Variants in GLRX3 observed in about 807,000 individuals in gnomAD.
GLRX3 encodes the protein glutaredoxin-3.
GLRX3 carries 22 observed loss-of-function variants against 49.5 expected under a neutral mutation model. That is an observed-to-expected ratio of 0.44 (90% confidence interval 0.32 to 0.63). The LOEUF is 0.63. GLRX3 is among the 30% of genes least tolerant of loss of function. GLRX3 has a pLI of 0.05. For synonymous variants in GLRX3, 133 were observed against 140.0 expected (o/e 0.95, Z 0.35); for missense variants, 385 against 396.3 (o/e 0.97, Z 0.24).
At chr10:130,159,241 A>G (rs1231404400) in intron 2 of GLRX3, among the ~76,000 whole-genome samples, 1 of 152,232 alleles carries the variant, frequency 6.6e-6, no homozygotes, top group African/African-American at 2.4e-5. Flanking sequence ...TGTATCATTT[A>G]TAAAGACCTA....
At chr10:130,161,933 A>G (rs1195745208) in intron 4 of GLRX3, among the ~76,000 whole-genome samples, 1 of 152,220 alleles carries the variant, frequency 6.6e-6, no homozygotes, top group Non-Finnish European at 1.5e-5. Context: ...TAAATTACAT[A>G]TTAGCTTATG....
At position 130,166,956 on chromosome 10, in the gene GLRX3, C is replaced by T. The variant is rs752892761; in HGVS notation, c.689C>T (p.Pro230Leu). The T allele has an allele frequency of 1.9e-6, 3 of 1,590,728 alleles. No individual in the cohort carries two copies. Among genetic ancestry groups the T allele is most frequent in the Non-Finnish European group, 2.6e-6 (3 of 1,165,652 alleles). The change falls in exon 6 of 11, where the codon CCC (proline) becomes CTC (leucine). Residue 230 changes from proline to leucine, a missense_variant. Physicochemically the swap from Pro to Leu is moderately conservative, Grantham distance 98. This residue lies in a region of GLRX3 where 374 missense variants were observed against 358.6 expected (regional missense o/e 1.04). Transcript: ENST00000331244. ...TCTGAAGAACTAGATACAATTTGTC[C>T]CAAAGCTCCCAAATTAGAGGAAAGG... The part of the protein sequence containing the change: ...EASEELDTIC[P>L]KAPKLEERLK...
In GLRX3 at chr10:130,166,937, GAACTAGATA is replaced by G. The variant is rs1862703131; in HGVS notation, c.671_679del (p.Glu224_Thr227delinsAla). 1.3e-6 allele frequency: 2 copies of G among 1,595,404 alleles called. No individual in the cohort carries two copies. The highest frequency in any genetic ancestry group is 8.5e-7 in the Non-Finnish European group (1 of 1,170,336). On this transcript the variant is annotated inframe_deletion, in exon 6 of 11. Coordinates refer to ENST00000331244, the MANE Select transcript of GLRX3 (RefSeq NM_006541.5). ...ATTTTAGGAGCTAGAAGCATCTGAA[GAACTAGATA>G]CAATTTGTCCCAAAGCTCCCAAATT...
At chr10:130,141,244 G>C (rs1862168501) in intron 1 of GLRX3, among the ~76,000 whole-genome samples, 1 of 151,974 alleles carries the variant, frequency 6.6e-6, no homozygotes, top group Non-Finnish European at 1.5e-5. Flanking sequence ...GGAAGTCGAG[G>C]CTGCACTTGC....
chr10:130,145,298 C>A lies in GLRX3; in HGVS notation c.180C>A (p.Leu60=). ...NEVMAELAKE[L]PQVSFVKLEA... is the part of the protein sequence containing the mutation. Reference sequence around the variant, plus strand: ...TTATGGCAGAGTTAGCTAAAGAACTCCCTCAAGTTTCATTTGTGAAGGTAT... The same window carrying A: ...TTATGGCAGAGTTAGCTAAAGAACTACCTCAAGTTTCATTTGTGAAGGTAT... Residue 60 remains leucine (L), a synonymous_variant, in exon 2 of 11, where the codon CTC becomes CTA. Coordinates refer to ENST00000331244, the MANE Select transcript of GLRX3 (RefSeq NM_006541.5). 6.8e-7 allele frequency: 1 copy of A among 1,464,288 alleles called. No individual in the cohort carries two copies. Among genetic ancestry groups the A allele is most frequent in the Non-Finnish European group, 9.6e-7 (1 of 1,043,782 alleles). The allele number at this position is 1,464,288 out of a possible 1,614,324, so 90.7% of individuals were successfully genotyped here.
chr10:130,159,940 A>G (rs1862541753), intron 2 of GLRX3, 55 bp from the exon 3 acceptor site: 5 of 1,308,956 alleles, frequency 3.8e-6, no homozygotes, highest in Non-Finnish European at 5.5e-6. Context: ...TTTACATATT[A>G]AAGTAGTGAA....
At chr10:130,157,032 A>C (rs554741282) in intron 2 of GLRX3, among the ~76,000 whole-genome samples, 1 of 152,344 alleles carries the variant, frequency 6.6e-6, no homozygotes, top group Non-Finnish European at 1.5e-5. Flanking sequence ...GCCATTTATT[A>C]GCCATGTATC....
intron 2 of GLRX3, among the ~76,000 whole-genome samples, chr10:130,158,472 T>C (rs1007396277): frequency 5.3e-5 from 8 of 152,246 alleles, no homozygotes; most frequent in African/African-American, 1.9e-4. Flanking sequence ...ACCTTATTTC[T>C]ACTTAGTATT....
chr10:130,176,112 G>GTT (rs553426083), intron 10 of GLRX3, among the ~76,000 whole-genome samples: 15 of 139,140 alleles, frequency 1.1e-4, no homozygotes, highest in African/African-American at 2.6e-4. Flanking sequence ...TAAAATAAAA[G>GTT]TTTTTTTTTT....
intron 4 of GLRX3, among the ~76,000 whole-genome samples, chr10:130,161,833 G>A (rs926648265): frequency 3.3e-5 from 5 of 152,176 alleles, no homozygotes; most frequent in Non-Finnish European, 7.3e-5. Context: ...GTATGCTCTT[G>A]ATATGATTAC....
chr10:130,145,140 A>G (rs1862247072), intron 1 of GLRX3, 71 bp from the exon 2 acceptor site: 2 of 596,824 alleles, frequency 3.4e-6, no homozygotes, highest in African/African-American at 1.9e-5. Flanking sequence ...TCTTTTTGGT[A>G]ATTTATATCA....
In GLRX3 at chr10:130,145,245, G is replaced by C. The variant is rs1862249412; in HGVS notation, c.127G>C (p.Ala43Pro). ...TGTGGTCCATTTCTGGGCACCATGGGCTCCACAGTGTGCACAGATGAACGA... is the reference window on the plus strand; with the variant it reads ...TGTGGTCCATTTCTGGGCACCATGGCCTCCACAGTGTGCACAGATGAACGA... ...LLVVHFWAPWAPQCAQMNEVM... is the reference protein window; with the variant it reads ...LLVVHFWAPWPPQCAQMNEVM... Residue 43 changes from alanine (A) to proline (P), a missense_variant, in exon 2 of 11, where the codon GCT (alanine) becomes CCT (proline). This residue lies in a region of GLRX3 where 374 missense variants were observed against 358.6 expected (regional missense o/e 1.04). Transcript: ENST00000331244. 2.6e-6 allele frequency: 4 copies of C among 1,554,038 alleles called. No homozygotes were observed. Among genetic ancestry groups the C allele is most frequent in the Non-Finnish European group, 3.5e-6 (4 of 1,129,096 alleles).
intron 1 of GLRX3, among the ~76,000 whole-genome samples, chr10:130,144,959 G>A (rs748723329): frequency 1.4e-4 from 21 of 152,190 alleles, no homozygotes; most frequent in Non-Finnish European, 2.9e-4. Context: ...TGAGGTGGAT[G>A]AATATTCAGA....
At chr10:130,148,433 CTTTTTTTTTTTTTTTT>C (rs57482969) in intron 2 of GLRX3, among the ~76,000 whole-genome samples, 1,083 of 70,638 alleles carry the variant, frequency 0.015, 44 homozygotes, top group African/African-American at 0.056. Context: ...GCCCTTCAGT[CTTTTTTTTTTTTTTTT>C]TTTTTTTTTT....
Position 130,160,855 on chromosome 10 carries a change from T to G in GLRX3, c.336T>G (p.Val112=). The part of the protein sequence containing the change: ...GAHAPELTKK[V]QRHASSGSFL... ...ATGCCCCAGAGTTGACCAAAAAAGTTCAGCGACATGCATCTAGTGGCTCCT... is the reference window on the plus strand; with the variant it reads ...ATGCCCCAGAGTTGACCAAAAAAGTGCAGCGACATGCATCTAGTGGCTCCT... The change falls in exon 4 of 11, where the codon GTT becomes GTG. Residue 112 remains valine (V), a synonymous_variant. Transcript: ENST00000331244. 1 of 1,611,354 alleles carries G rather than the reference T, an allele frequency of 6.2e-7. No individual in the cohort carries two copies. Among genetic ancestry groups the G allele is most frequent in the Non-Finnish European group, 8.5e-7 (1 of 1,177,470 alleles).
At chr10:130,173,052 C>T (rs1862844107) in intron 8 of GLRX3, among the ~76,000 whole-genome samples, 1 of 152,216 alleles carries the variant, frequency 6.6e-6, no homozygotes. Context: ...CACCCCTGCC[C>T]TGGGCCATAC....
chr10:130,156,682 C>A (rs182713296), intron 2 of GLRX3, among the ~76,000 whole-genome samples: 8 of 152,130 alleles, frequency 5.3e-5, no homozygotes, highest in Non-Finnish European at 1.5e-5. Context: ...ATCCGATGAC[C>A]CCTGCTCAAT....
chr10:130,157,118 G>A (rs546478908), intron 2 of GLRX3, among the ~76,000 whole-genome samples: 2 of 152,216 alleles, frequency 1.3e-5, no homozygotes, highest in Admixed American at 6.5e-5. Flanking sequence ...AATAGGATAG[G>A]TACAGATAGA....
intron 1 of GLRX3, among the ~76,000 whole-genome samples, chr10:130,142,763 C>A (rs1001604348): frequency 1.3e-5 from 2 of 152,106 alleles, no homozygotes; most frequent in Non-Finnish European, 2.9e-5. Context: ...ACACTCTTCT[C>A]TTGACTTCTA....
Sources: allele counts gnomAD v4.1 joint callset (sites outside exome capture counted in the v4.1 genomes callset), GRCh38; gene constraint gnomAD v4.1.1; regional missense constraint gnomAD v4.1.1; transcripts MANE v1.5; gene names NCBI Gene and HGNC (gene_info 2026-07-23, HGNC 2026-07-21).